ZNF536: variants seen among roughly 807,000 people sequenced by gnomAD.
ZNF536 encodes the protein zinc finger protein 536.
ZNF536 carries 13 observed loss-of-function variants against 84.5 expected under a neutral mutation model. That is an observed-to-expected ratio of 0.15 (90% CI 0.10 to 0.24). ZNF536 has a LOEUF of 0.24. Among genes scored for constraint, ZNF536 ranks in the 10% least tolerant of loss-of-function variants. The pLI is 1.00. For synonymous variants in ZNF536, 811 were observed against 742.5 expected (o/e 1.09, Z -1.50); for missense variants, 1,536 against 1,747.5 (o/e 0.88, Z 2.16).
chr19:30,620,768 T>C (rs1427600227), intron 1 of ZNF536, among the ~76,000 whole-genome samples: 1 of 152,068 alleles, frequency 6.6e-6, no homozygotes, highest in Non-Finnish European at 1.5e-5. Flanking sequence ...ACACACGAAA[T>C]GCAAAACAAC....
At chr19:30,374,684 AGT>A (rs1491369450) in intron 1 of ZNF536, among the ~76,000 whole-genome samples, 7 of 48,700 alleles carry the variant, frequency 1.4e-4, no homozygotes, top group African/African-American at 6.3e-4. Flanking sequence ...CAACAAACTG[AGT>A]GTTGTTTTTT....
At chr19:30,650,735 G>A (rs2049670785) in intron 1 of ZNF536, among the ~76,000 whole-genome samples, 1 of 152,188 alleles carries the variant, frequency 6.6e-6, no homozygotes, top group Non-Finnish European at 1.5e-5. Context: ...GATGACCAAG[G>A]TTGGTTGTTG....
chr19:30,537,973 C>T (rs758380996), intron 3 of ZNF536, among the ~76,000 whole-genome samples: 11 of 152,220 alleles, frequency 7.2e-5, no homozygotes, highest in Admixed American at 3.9e-4. Flanking sequence ...AATGCTTACA[C>T]TTGTGCATTT....
intron 1 of ZNF536, among the ~76,000 whole-genome samples, chr19:30,246,332 A>G (rs2024273917): frequency 6.6e-6 from 1 of 152,188 alleles, no homozygotes; most frequent in Admixed American, 6.5e-5. Context: ...ATTCTTGCAG[A>G]AAAATAAAAG....
intron 3 of ZNF536, among the ~76,000 whole-genome samples, chr19:30,542,493 C>T (rs1453680864): frequency 1.3e-5 from 2 of 152,170 alleles, no homozygotes; most frequent in Non-Finnish European, 2.9e-5. Context: ...TTTCATTAAT[C>T]AATTGGAATG....
At chr19:30,588,294 C>T (rs1485215686) in intron 1 of ZNF536, among the ~76,000 whole-genome samples, 1 of 152,188 alleles carries the variant, frequency 6.6e-6, no homozygotes, top group Non-Finnish European at 1.5e-5. Context: ...CAGCCCTGAG[C>T]CCAGAGTCTC....
At chr19:30,571,343 G>T (rs1161343991) in intron 1 of ZNF536, among the ~76,000 whole-genome samples, 1 of 152,102 alleles carries the variant, frequency 6.6e-6, no homozygotes, top group Non-Finnish European at 1.5e-5. Context: ...GTCTGCTCGG[G>T]ACTTCAGTGA....
intron 2 of ZNF536, among the ~76,000 whole-genome samples, chr19:30,317,614 T>C (rs928729785): frequency 6.6e-6 from 1 of 152,190 alleles, no homozygotes; most frequent in Non-Finnish European, 1.5e-5. Flanking sequence ...TGGCAATGTG[T>C]CTTGGGCAGA....
At chr19:30,243,364 TAGATAG>T (rs1308757652) in intron 1 of ZNF536, among the ~76,000 whole-genome samples, 1 of 152,204 alleles carries the variant, frequency 6.6e-6, no homozygotes, top group East Asian at 1.9e-4. Flanking sequence ...AAGTACATAA[TAGATAG>T]AGGTCTAAAT....
At chr19:30,406,429 C>G (rs774135201) in intron 1 of ZNF536, among the ~76,000 whole-genome samples, 2 of 152,068 alleles carry the variant, frequency 1.3e-5, no homozygotes, top group African/African-American at 4.8e-5. Flanking sequence ...AAATCCACAC[C>G]GCTTTACTCC....
At chr19:30,532,140 C>T (rs3786795) in intron 2 of ZNF536, among the ~76,000 whole-genome samples, 56,143 of 150,436 alleles carry the variant, frequency 0.37, 12,506 homozygotes, top group African/African-American at 0.63. Context: ...TTTTATTTTT[C>T]ATATTTTGAG....
intron 1 of ZNF536, among the ~76,000 whole-genome samples, chr19:30,278,439 G>A (rs576628004): frequency 3.3e-5 from 5 of 152,262 alleles, no homozygotes; most frequent in South Asian, 2.1e-4. Flanking sequence ...TGGTGTGGGC[G>A]GTGTGGTTTG....
chr19:30,245,446 T>A (rs1049493215), intron 1 of ZNF536, among the ~76,000 whole-genome samples: 1 of 152,232 alleles, frequency 6.6e-6, no homozygotes, highest in Admixed American at 6.5e-5. Flanking sequence ...CAAATGGCAG[T>A]CCATTAATAA....
chr19:30,422,008 A>G (rs1420643381), intron 1 of ZNF536, among the ~76,000 whole-genome samples: 2 of 152,218 alleles, frequency 1.3e-5, no homozygotes, highest in East Asian at 1.9e-4. Context: ...TAGTGAATTA[A>G]TTAAAAAAAT....
chr19:30,637,741 G>A (rs543481581), intron 1 of ZNF536, among the ~76,000 whole-genome samples: 12 of 152,106 alleles, frequency 7.9e-5, no homozygotes, highest in African/African-American at 2.9e-4. Context: ...GATACTTGGC[G>A]AGAGTAGAGT....
intron 1 of ZNF536, among the ~76,000 whole-genome samples, chr19:30,631,451 A>AGCAAAC (rs1184585554): frequency 6.6e-6 from 1 of 152,224 alleles, no homozygotes; most frequent in African/African-American, 2.4e-5. Flanking sequence ...ACATGTCTCC[A>AGCAAAC]GCAAACGGGT....
chr19:30,507,980 T>G (rs756340933), intron 2 of ZNF536, among the ~76,000 whole-genome samples: 7 of 152,190 alleles, frequency 4.6e-5, no homozygotes, highest in Non-Finnish European at 1.0e-4. Context: ...GCAGGATCCT[T>G]GCCTGTTTAA....
intron 1 of ZNF536, among the ~76,000 whole-genome samples, chr19:30,701,968 A>G (rs1024414216): frequency 6.6e-6 from 1 of 152,170 alleles, no homozygotes; most frequent in African/African-American, 2.4e-5. Context: ...TAAACACCAC[A>G]GGGTGGTCAC....
At chr19:30,504,372 C>T (rs1444092761) in intron 2 of ZNF536, among the ~76,000 whole-genome samples, 1 of 147,684 alleles carries the variant, frequency 6.8e-6, no homozygotes, top group Non-Finnish European at 1.5e-5. Context: ...CCCATTCCCT[C>T]TCTCCTTTCC....
Sources: allele counts gnomAD v4.1 joint callset (sites outside exome capture counted in the v4.1 genomes callset), GRCh38; gene constraint gnomAD v4.1.1; transcripts MANE v1.5; gene names NCBI Gene and HGNC (gene_info 2026-07-23, HGNC 2026-07-21).